TRIP12: variants seen among roughly 807,000 people sequenced by gnomAD.
TRIP12 encodes thyroid hormone receptor interactor 12.
Under a neutral mutation model 244.2 loss-of-function variants are expected in TRIP12, and 25 were observed. That is an observed-to-expected ratio of 0.10 (90% confidence interval 0.07 to 0.14). TRIP12 has a LOEUF of 0.14. Ranked by LOEUF, TRIP12 falls within the 10% of genes least tolerant of loss-of-function variation. The pLI, the probability that TRIP12 is intolerant of heterozygous loss-of-function variation, is 1.00. For missense variants in TRIP12, 1,677 were observed against 2,486.4 expected (o/e 0.67, Z 6.92); for synonymous variants, 905 against 873.1 (o/e 1.04, Z -0.64).
intron 4 of TRIP12, among the ~76,000 whole-genome samples, chr2:229,855,474 T>C (rs2059430911): frequency 6.6e-6 from 1 of 151,910 alleles, no homozygotes; most frequent in Admixed American, 6.6e-5. Context: ...GTCCACATAG[T>C]ATTCATCTCT....
At chr2:229,916,793 G>A (rs2075473864) in intron 1 of TRIP12, among the ~76,000 whole-genome samples, 1 of 150,350 alleles carries the variant, frequency 6.7e-6, no homozygotes, top group Admixed American at 6.6e-5. Context: ...AAAACTATCA[G>A]TAAGTTAGGA....
rs1383572748 is a variant in TRIP12 at position 229,798,545 on chromosome 2, A to G, written c.3482+330T>C. Among the ~76,000 whole-genome samples the G allele has an allele frequency of 2.0e-5, 3 of 152,130 alleles. No homozygotes were observed. In the East Asian group the frequency reaches 5.8e-4, roughly 29 times the overall value. On this transcript the variant is annotated intron_variant, in intron 23 of 41. Coordinates refer to ENST00000675903, the MANE Select transcript of TRIP12 (RefSeq NM_001348323.3). ...GAGAAATTTTATCATAAAAGATGTG[A>G]AGAATGTGGACAGAAAATGTCAGCT... is the stretch of plus-strand genomic sequence containing the variant.
chr2:229,869,241 C>T (rs2062095398), intron 2 of TRIP12, among the ~76,000 whole-genome samples: 2 of 152,170 alleles, frequency 1.3e-5, no homozygotes, highest in South Asian at 4.1e-4. Context: ...ATGTTTTCAT[C>T]ATTTCAGTAA....
rs772733467 is a variant in TRIP12, at chr2:229,799,373, C to G, written c.3217G>C (p.Asp1073His). The change falls in exon 22 of 42, where the codon GAT becomes CAT. Residue 1073 changes from aspartate (D) to histidine (H), a missense_variant. This residue lies in a region of TRIP12 where 572 missense variants were observed against 867.8 expected (regional missense o/e 0.66). Transcript: ENST00000675903. ...LDLSPQGRLS[D>H]VLKRKRLPKR... ...GGCAGTCGTTTTCTCTTTAGAACATCACTTAATCGACTGTCCATGGGAAAA... is the reference window on the plus strand; with the variant it reads ...GGCAGTCGTTTTCTCTTTAGAACATGACTTAATCGACTGTCCATGGGAAAA... 1 of 1,612,076 alleles carries G rather than the reference C, an allele frequency of 6.2e-7. No homozygotes were observed. The highest frequency in any genetic ancestry group is 8.5e-7 in the Non-Finnish European group (1 of 1,178,610).
intron 9 of TRIP12, among the ~76,000 whole-genome samples, chr2:229,816,916 G>A (rs1461134828): frequency 6.6e-6 from 1 of 152,160 alleles, no homozygotes; most frequent in South Asian, 2.1e-4. Flanking sequence ...AAGTTGAAAG[G>A]TTAATAATAT....
chr2:229,805,775 G>A lies in TRIP12; in HGVS notation c.2605C>T (p.Arg869Cys). ...QQINEDTGTARAIQRKPNPLA... is the reference protein window; with the variant it reads ...QQINEDTGTACAIQRKPNPLA... ...GGGTTAGGTTTTCTCTGAATGGCAC[G>A]TGCTGTTCCCGTGTCCTCATTGATT... Residue 869 changes from arginine (R) to cysteine (C), a missense_variant, in exon 18 of 42, where the codon CGT (arginine) becomes TGT (cysteine). Arg to Cys is a radical substitution (Grantham distance 180). This residue lies in a region of TRIP12 where 572 missense variants were observed against 867.8 expected (regional missense o/e 0.66). Transcript: ENST00000675903. 1 of 1,608,372 alleles carries A rather than the reference G, an allele frequency of 6.2e-7. No individual in the cohort carries two copies. Among genetic ancestry groups the A allele is most frequent in the Non-Finnish European group, 8.5e-7 (1 of 1,175,644 alleles).
intron 37 of TRIP12, among the ~76,000 whole-genome samples, chr2:229,775,077 A>G (rs1200068450): frequency 1.3e-5 from 2 of 152,220 alleles, no homozygotes; most frequent in Non-Finnish European, 2.9e-5. Context: ...GCCTCCGTGT[A>G]TGAAATTCCT....
In TRIP12 at chr2:229,811,163, G is replaced by C. The variant is rs760331385; in HGVS notation, c.2028C>G (p.Arg676=). 1 of 1,613,790 alleles carries C rather than the reference G, an allele frequency of 6.2e-7. No homozygotes were observed. Among genetic ancestry groups the C allele is most frequent in the Non-Finnish European group, 8.5e-7 (1 of 1,179,972 alleles). The change falls in exon 14 of 42, where the codon CGC becomes CGG. Residue 676 remains arginine (R), a synonymous_variant. Transcript: ENST00000675903. ...CCTCATGCTGGAAGTTGTCCACTAG[G>C]CGTGCAAAACAAAGGCAAGTGCTTT... The part of the protein sequence containing the change: ...SVESTCLCFA[R]LVDNFQHEEN...
chr2:229,900,212 CA>C (rs1369979235), intron 1 of TRIP12, among the ~76,000 whole-genome samples: 6 of 152,170 alleles, frequency 3.9e-5, no homozygotes, highest in Non-Finnish European at 7.4e-5. Flanking sequence ...AATTAAAAAA[CA>C]AACAGAAACC....
intron 1 of TRIP12, among the ~76,000 whole-genome samples, chr2:229,920,996 T>C (rs1327432775): frequency 6.6e-6 from 1 of 152,160 alleles, no homozygotes; most frequent in Non-Finnish European, 1.5e-5. Context: ...TGAATGCTAA[T>C]ACGATTGGGG....
intron 34 of TRIP12, among the ~76,000 whole-genome samples, chr2:229,782,191 G>A (rs1345647880): frequency 2.0e-5 from 3 of 151,772 alleles, no homozygotes; most frequent in African/African-American, 7.3e-5. Flanking sequence ...TATAAGAATC[G>A]CATCCTCTGA....
At chr2:229,788,290 T>C (rs558045072) in intron 32 of TRIP12, among the ~76,000 whole-genome samples, 1 of 152,192 alleles carries the variant, frequency 6.6e-6, no homozygotes, top group African/African-American at 2.4e-5. Flanking sequence ...AGCTCATTTT[T>C]AAAATATGAC....
intron 1 of TRIP12, among the ~76,000 whole-genome samples, chr2:229,905,594 C>A (rs1235479814): frequency 1.3e-5 from 2 of 152,134 alleles, no homozygotes; most frequent in Non-Finnish European, 2.9e-5. Flanking sequence ...TAACAAAGTG[C>A]TGAGAATAAC....
chr2:229,809,054 T>TTG (rs2046592403), intron 15 of TRIP12, among the ~76,000 whole-genome samples: 1 of 152,192 alleles, frequency 6.6e-6, no homozygotes, highest in Non-Finnish European at 1.5e-5. Flanking sequence ...TCTTTGCTGA[T>TTG]TGTGTGTGTG....
At chr2:229,890,366 C>T (rs1393055968) in intron 1 of TRIP12, among the ~76,000 whole-genome samples, 2 of 152,196 alleles carry the variant, frequency 1.3e-5, no homozygotes, top group Non-Finnish European at 2.9e-5. Flanking sequence ...TCCCAAGGTG[C>T]TGGGATTACA....
chr2:229,911,706 T>C (rs185333547), intron 1 of TRIP12, among the ~76,000 whole-genome samples: 57 of 152,328 alleles, frequency 3.7e-4, no homozygotes, highest in Middle Eastern at 6.8e-3. Flanking sequence ...TACATACATA[T>C]TATGTGTCAA....
intron 26 of TRIP12, among the ~76,000 whole-genome samples, chr2:229,793,904 C>A (rs2042163027): frequency 6.6e-6 from 1 of 151,576 alleles, no homozygotes. Context: ...TTTTATGTGG[C>A]CCAAGACAAT....
chr2:229,872,123 A>G (rs1418858010), intron 2 of TRIP12, among the ~76,000 whole-genome samples: 2 of 146,348 alleles, frequency 1.4e-5, no homozygotes, highest in Admixed American at 6.7e-5. Flanking sequence ...AAAAAAAAAA[A>G]AAAAAAAAAG....
chr2:229,808,100 G>C lies in TRIP12; in HGVS notation c.2339+152C>G, dbSNP rs1209763329. 5 of 699,296 alleles carry C rather than the reference G, an allele frequency of 7.2e-6. No homozygotes were observed. The African/African-American group carries it at 7.2e-5, about 10-fold the overall frequency. The allele number at this position is 699,296 out of a possible 1,614,324, so 43.3% of individuals were successfully genotyped here. A position where few individuals can be genotyped will look rare whatever the true frequency, so the allele number is the denominator to read the frequency against. ...TCCTGTCTTGGCCTCCCAAGCAGCT[G>C]GGATTACAGGCGCCCGCCACTACGC... On this transcript the variant is annotated intron_variant, in intron 16 of 41. Transcript: ENST00000675903.
Sources: gnomAD v4.1 joint callset for allele counts (sites outside exome capture counted in the v4.1 genomes callset) on GRCh38, gnomAD v4.1.1 for gene constraint, gnomAD v4.1.1 regional missense constraint, MANE v1.5 for transcripts, NCBI Gene and HGNC (gene_info 2026-07-23, HGNC 2026-07-21) for gene names.